The following AAK1 variants were observed in gnomAD, a reference collection of about 807,000 sequenced individuals.
AAK1 encodes AP2-associated protein kinase 1.
In AAK1, 37 loss-of-function variants were observed where a neutral mutation model predicts 116.0. The observed-to-expected ratio is 0.32, with a 90% CI of 0.25 to 0.42. AAK1 has a LOEUF of 0.42. Among genes scored for constraint, AAK1 ranks in the 10% least tolerant of loss-of-function variants. The pLI is 1.00. For synonymous variants in AAK1, 458 were observed against 439.9 expected (o/e 1.04, Z -0.51); for missense variants, 919 against 1,170.6 (o/e 0.79, Z 3.14).
At chr2:69,585,620 T>A (rs1672731758) in intron 2 of AAK1, among the ~76,000 whole-genome samples, 1 of 152,170 alleles carries the variant, frequency 6.6e-6, no homozygotes, top group South Asian at 2.1e-4. Flanking sequence ...TCCTGCATCG[T>A]TAAAGGCAGC....
intron 17 of AAK1, among the ~76,000 whole-genome samples, chr2:69,493,155 T>G (rs564536115): frequency 1.4e-4 from 4 of 27,836 alleles, no homozygotes; most frequent in Admixed American, 5.6e-4. Context: ...CGAGACTCCG[T>G]CTCAAAAAAA....
chr2:69,478,839 G>A (rs1198291664), intron 20 of AAK1, 112 bp downstream of exon 20: 4 of 788,728 alleles, frequency 5.1e-6, no homozygotes, highest in Non-Finnish European at 8.6e-6. Context: ...ATACAAGGAG[G>A]TAGTTTTAAA....
intron 2 of AAK1, among the ~76,000 whole-genome samples, chr2:69,567,851 C>T (rs10178273): frequency 0.034 from 5,250 of 152,238 alleles, 317 homozygotes; most frequent in East Asian, 0.18. Flanking sequence ...CACACTATTG[C>T]TTCTTTCAAA....
At chr2:69,553,451 T>G (rs1344433708) in intron 3 of AAK1, among the ~76,000 whole-genome samples, 3 of 139,732 alleles carry the variant, frequency 2.1e-5, no homozygotes, top group Non-Finnish European at 3.1e-5. Flanking sequence ...TTTTTTTTTT[T>G]TTTTTTTTTT....
chr2:69,567,423 C>T (rs1477753063), intron 2 of AAK1, among the ~76,000 whole-genome samples: 1 of 152,194 alleles, frequency 6.6e-6, no homozygotes, highest in Admixed American at 6.5e-5. Flanking sequence ...CCCCTGTACA[C>T]TCTAAACTGC....
chr2:69,583,019 G>A (rs1031304189), intron 2 of AAK1, among the ~76,000 whole-genome samples: 10 of 152,140 alleles, frequency 6.6e-5, no homozygotes, highest in East Asian at 1.9e-4. Context: ...AAAACTCCAC[G>A]TGAGAGATAC....
chr2:69,496,677 CA>C (rs1675757772), intron 16 of AAK1, among the ~76,000 whole-genome samples: 1 of 152,142 alleles, frequency 6.6e-6, no homozygotes, highest in South Asian at 2.1e-4. Flanking sequence ...GTATCTCTTT[CA>C]GAATGTCGAG....
In AAK1 at chr2:69,468,270, T is replaced by C. The variant is rs937940307; in HGVS notation, c.*7599A>G. Reference sequence around the variant, plus strand: ...AATCCTAATTTCTCAGGCAAGTAAATTGATATTAGATTTGTCTCAGTGATA... The same window carrying C: ...AATCCTAATTTCTCAGGCAAGTAAACTGATATTAGATTTGTCTCAGTGATA... On this transcript the variant is annotated 3_prime_UTR_variant, in exon 22 of 22. Transcript: ENST00000409085. 5 of 985,190 alleles carry C rather than the reference T, an allele frequency of 5.1e-6. No homozygotes were observed. The highest frequency in any genetic ancestry group is 9.4e-5 in the South Asian group (2 of 21,294). 61.0% of individuals were successfully genotyped at this position (985,190 alleles called of 1,614,324 possible).
intron 2 of AAK1, among the ~76,000 whole-genome samples, chr2:69,607,642 T>C (rs1194493764): frequency 6.6e-6 from 1 of 152,230 alleles, no homozygotes; most frequent in Admixed American, 6.5e-5. Flanking sequence ...ATTATACTTA[T>C]AATAAGCCAA....
intron 2 of AAK1, among the ~76,000 whole-genome samples, chr2:69,586,302 G>C (rs1369149646): frequency 6.6e-6 from 1 of 152,142 alleles, no homozygotes; most frequent in Admixed American, 6.5e-5. Context: ...AGGCAAAGTG[G>C]GTGGTTGAAT....
intron 2 of AAK1, among the ~76,000 whole-genome samples, chr2:69,631,978 A>G (rs556783720): frequency 6.6e-6 from 1 of 152,306 alleles, no homozygotes; most frequent in South Asian, 2.1e-4. Context: ...AAAAATAAAT[A>G]AAGTATACAT....
intron 2 of AAK1, among the ~76,000 whole-genome samples, chr2:69,638,395 C>A (rs956591071): frequency 1.3e-5 from 2 of 152,202 alleles, no homozygotes; most frequent in Non-Finnish European, 1.5e-5. Flanking sequence ...ACCACTCTTT[C>A]CCCAGACACT....
chr2:69,587,586 C>T (rs1672846209), intron 2 of AAK1, among the ~76,000 whole-genome samples: 1 of 151,908 alleles, frequency 6.6e-6, no homozygotes, highest in Non-Finnish European at 1.5e-5. Flanking sequence ...CTGTCTCAGC[C>T]TCCCAAGTAG....
At position 69,467,198 on chromosome 2, in the gene AAK1, A is replaced by C; in HGVS notation, c.*8671T>G. 1.0e-6 allele frequency: 1 copy of C among 985,474 alleles called. No homozygotes were observed. Among genetic ancestry groups the C allele is most frequent in the Non-Finnish European group, 1.2e-6 (1 of 829,922 alleles). 61.0% of individuals were successfully genotyped at this position (985,474 alleles called of 1,614,324 possible). A position where few individuals can be genotyped will look rare whatever the true frequency, so the allele number is the denominator to read the frequency against. ...AATCACCTTCAGCTGGAGTTGCCCC[A>C]GAATTTTGTTTTCAGTCTTCTAAGT... On this transcript the variant is annotated 3_prime_UTR_variant, in exon 22 of 22. Transcript: ENST00000409085.
At chr2:69,631,616 T>A (rs1675177493) in intron 2 of AAK1, among the ~76,000 whole-genome samples, 1 of 152,370 alleles carries the variant, frequency 6.6e-6, no homozygotes, top group Non-Finnish European at 1.5e-5. Flanking sequence ...CAGGAACTTG[T>A]CCTCTGCCAA....
chr2:69,595,605 A>C (rs1673246327), intron 2 of AAK1, among the ~76,000 whole-genome samples: 1 of 152,336 alleles, frequency 6.6e-6, no homozygotes, highest in East Asian at 1.9e-4. Flanking sequence ...AAGCCAGCAG[A>C]GGTTGGTTCA....
In AAK1 at chr2:69,557,490, A is replaced by G. The variant is rs566369318; in HGVS notation, c.164-512T>C. ...CTAATTTTTATACTTTTTTGTAGAG[A>G]AGTGCTTTTGCTATGTTGCCCAGGC... On this transcript the variant is annotated intron_variant, in intron 2 of 21. Coordinates refer to ENST00000409085, the MANE Select transcript of AAK1 (RefSeq NM_014911.5). 2.6e-5 allele frequency among the ~76,000 whole-genome samples: 4 copies of G among 152,068 alleles called. No homozygotes were observed. The South Asian group carries it at 8.3e-4, about 32-fold the overall frequency.
intron 16 of AAK1, 63 bp from the exon 17 acceptor site, chr2:69,496,143 C>G: frequency 8.5e-7 from 1 of 1,181,588 alleles, no homozygotes; most frequent in Non-Finnish European, 1.2e-6. Flanking sequence ...GCAATAACAC[C>G]AAGTAAATCT....
At chr2:69,619,513 A>G (rs556591084) in intron 2 of AAK1, among the ~76,000 whole-genome samples, 25 of 152,186 alleles carry the variant, frequency 1.6e-4, no homozygotes, top group Non-Finnish European at 3.1e-4. Flanking sequence ...TATGAGAGCC[A>G]TGGTTCTAGG....
Sources: gnomAD v4.1 joint callset for allele counts (sites outside exome capture counted in the v4.1 genomes callset) on GRCh38, gnomAD v4.1.1 for gene constraint, MANE v1.5 for transcripts, NCBI Gene and HGNC (gene_info 2026-07-23, HGNC 2026-07-21) for gene names.